Variants in MYH14 observed in about 807,000 individuals in gnomAD.
The protein encoded by MYH14 is myosin-14.
A neutral mutation model predicts 255.5 loss-of-function variants in MYH14; 123 were observed. The ratio of observed to expected loss-of-function variants is 0.48; its 90% CI spans 0.42 to 0.56. The LOEUF (loss-of-function observed/expected upper bound fraction) is 0.56, where lower values mean the gene tolerates loss of function less well. Among genes scored for constraint, MYH14 ranks in the 20% least tolerant of loss-of-function variants. The pLI is 0.00. For missense variants in MYH14, 2,423 were observed against 2,802.3 expected (o/e 0.86, Z 3.06); for synonymous variants, 1,095 against 1,161.2 (o/e 0.94, Z 1.16).
rs1400394076 is a variant in MYH14, at chr19:50,276,326, G to A, written c.3680+123G>A. 1.8e-5 allele frequency: 15 copies of A among 840,634 alleles called. No individual in the cohort carries two copies. Among genetic ancestry groups the A allele is most frequent in the Non-Finnish European group, 2.7e-5 (15 of 559,680 alleles). The allele number at this position is 840,634 out of a possible 1,614,324, so 52.1% of individuals were successfully genotyped here. A position where few individuals can be genotyped will look rare whatever the true frequency, so the allele number is the denominator to read the frequency against. ...ATTGTACAGTTGTTCATGAACCACC[G>A]GCTCTAGGTCCGGCCTGGGTCAAGC... is the stretch of plus-strand genomic sequence containing the variant. On this transcript the variant is annotated intron_variant, in intron 28 of 42. Transcript: ENST00000642316. This position sits in a 1 kb window ranked among gnomAD's most constrained non-coding sequence, Gnocchi z 4.3.
chr19:50,236,135 C>T (rs1277644481), intron 10 of MYH14, among the ~76,000 whole-genome samples: 2 of 151,498 alleles, frequency 1.3e-5, no homozygotes, highest in Non-Finnish European at 2.9e-5. Context: ...AGTTTGAGAC[C>T]AGCCTGGGCA....
chr19:50,257,306 C>T lies in MYH14; in HGVS notation c.2052C>T (p.Gly684=), dbSNP rs2034626370. The change falls in exon 18 of 43, where the codon GGC becomes GGT. Residue 684 remains glycine, a synonymous_variant. Transcript: ENST00000642316. The part of the protein sequence containing the change: ...SSAISPPGVE[G]IVGLEQVSSL... ...TGCATCTCCATCTGACAGTGGAGGGCATCGTGGGGCTGGAACAGGTGAGCA... is the reference window on the plus strand; with the variant it reads ...TGCATCTCCATCTGACAGTGGAGGGTATCGTGGGGCTGGAACAGGTGAGCA... 1 of 1,600,968 alleles carries T rather than the reference C, an allele frequency of 6.2e-7. No homozygotes were observed.
intron 11 of MYH14, among the ~76,000 whole-genome samples, chr19:50,246,740 T>C (rs139942197): frequency 2.0e-5 from 3 of 152,318 alleles, no homozygotes; most frequent in Admixed American, 2.0e-4. Context: ...CCTAGCTTTC[T>C]CCGATTATAA....
chr19:50,239,423 A>G (rs2033801740), intron 10 of MYH14, among the ~76,000 whole-genome samples: 1 of 152,216 alleles, frequency 6.6e-6, no homozygotes. Context: ...ACTTGGGAAG[A>G]TTACAGACTG....
At chr19:50,232,706 G>C (rs2123241733) in intron 10 of MYH14, among the ~76,000 whole-genome samples, 1 of 152,066 alleles carries the variant, frequency 6.6e-6, no homozygotes, top group South Asian at 2.1e-4. Flanking sequence ...CTGAGATGGG[G>C]ATGTTTGAAC....
rs1206166363 is a variant in MYH14, at chr19:50,293,607, G to A, written c.5389G>A (p.Gly1797Arg). Reference protein sequence around the residue: ...EEKRQLEGRLGQLEEELEEEQ... With the variant: ...EEKRQLEGRLRQLEEELEEEQ... Reference sequence around the variant, plus strand: ...GAAGCGTCAGCTGGAGGGGCGCCTGGGGCAGTTGGAGGAAGAGCTGGAGGA... The same window carrying A: ...GAAGCGTCAGCTGGAGGGGCGCCTGAGGCAGTTGGAGGAAGAGCTGGAGGA... The change falls in exon 39 of 43, where the codon GGG becomes AGG. Residue 1797 changes from glycine (G) to arginine (R), a missense_variant. By Grantham distance (125) the Gly-to-Arg change is moderately radical. Around this residue, in one of 3 missense-constraint regions of MYH14, gnomAD observed 1,513 missense variants for 1,674.8 expected, o/e 0.90. Transcript: ENST00000642316. This position sits in a 1 kb window ranked among gnomAD's most constrained non-coding sequence, Gnocchi z 4.1. The A allele has an allele frequency of 1.9e-6, 3 of 1,612,956 alleles. No homozygotes were observed. Among genetic ancestry groups the A allele is most frequent in the Admixed American group, 1.7e-5 (1 of 59,866 alleles).
chr19:50,224,714 A>T, intron 6 of MYH14: 2 of 441,800 alleles, frequency 4.5e-6, no homozygotes, highest in Non-Finnish European at 9.2e-6. Context: ...GCCAAGGAGT[A>T]GCCTGGTGGG....
intron 24 of MYH14, among the ~76,000 whole-genome samples, chr19:50,269,477 C>T (rs1049118274): frequency 2.0e-5 from 3 of 152,178 alleles, no homozygotes; most frequent in African/African-American, 7.2e-5. Context: ...CCACCATGCC[C>T]GGCCCAGTAG....
chr19:50,225,545 A>C (rs1218607138), intron 6 of MYH14, 40 bp from the exon 7 acceptor site: 3 of 1,564,628 alleles, frequency 1.9e-6, no homozygotes, highest in Non-Finnish European at 2.6e-6. Flanking sequence ...CTCCTGCCCC[A>C]TTCTCACTGA....
chr19:50,211,644 A>C lies in MYH14; in HGVS notation c.405+874A>C, dbSNP rs577302346. ...TCAAGGTCACACAATTAGACCTGACAGAGCCAGGTAGTCTGTCTTCTCACT... is the reference window on the plus strand; with the variant it reads ...TCAAGGTCACACAATTAGACCTGACCGAGCCAGGTAGTCTGTCTTCTCACT... On this transcript the variant is annotated intron_variant, in intron 2 of 42. Coordinates refer to ENST00000642316, the MANE Select transcript of MYH14 (RefSeq NM_001145809.2). 5.3e-5 allele frequency among the ~76,000 whole-genome samples: 8 copies of C among 152,250 alleles called. No individual in the cohort carries two copies. In the South Asian group the frequency reaches 1.7e-3, roughly 32 times the overall value.
Position 50,255,337 on chromosome 19 carries a change from C to G in MYH14, c.2044+19C>G, listed in dbSNP as rs567636325. 12 of 1,537,538 alleles carry G rather than the reference C, an allele frequency of 7.8e-6. No individual in the cohort carries two copies. The highest frequency in any genetic ancestry group is 5.5e-5 in the African/African-American group (4 of 72,820). On this transcript the variant is annotated intron_variant, in intron 17 of 42. Transcript: ENST00000642316. ...CCAGGGGGTGGGTGTCTCTGTGCATCGATGGGTGAGGCTTGCTGGAGGAGG... is the reference window on the plus strand; with the variant it reads ...CCAGGGGGTGGGTGTCTCTGTGCATGGATGGGTGAGGCTTGCTGGAGGAGG...
chr19:50,218,738 G>C (rs1479869834), intron 3 of MYH14, among the ~76,000 whole-genome samples: 1 of 151,990 alleles, frequency 6.6e-6, no homozygotes, highest in East Asian at 1.9e-4. Flanking sequence ...CACCCAATGT[G>C]TAATCTATCC....
At position 50,266,003 on chromosome 19, in the gene MYH14, G is replaced by T. The variant is rs564608946; in HGVS notation, c.2695-874G>T. 5.8e-3 allele frequency among the ~76,000 whole-genome samples: 886 copies of T among 152,226 alleles called. 6 individuals are homozygous for T. Among genetic ancestry groups the T allele is most frequent in the Non-Finnish European group, 0.01 (691 of 68,000 alleles). On this transcript the variant is annotated intron_variant, in intron 22 of 42. Coordinates refer to ENST00000642316, the MANE Select transcript of MYH14 (RefSeq NM_001145809.2). The surrounding 1 kb of genome is among the most constrained non-coding windows in gnomAD (Gnocchi z 4.1). Reference sequence around the variant, plus strand: ...TTTGAGAAATGTGAATGATACCTGCGAAAGATGCAAGGAGTCGGGGCAGAA... The same window carrying T: ...TTTGAGAAATGTGAATGATACCTGCTAAAGATGCAAGGAGTCGGGGCAGAA...
chr19:50,251,468 T>TACACATATATATATAC (rs58683800), intron 15 of MYH14, among the ~76,000 whole-genome samples: 1 of 145,740 alleles, frequency 6.9e-6, no homozygotes, highest in Non-Finnish European at 1.5e-5. Flanking sequence ...TATATATATA[T>TACACATATATATATAC]ACACATATAT....
intron 2 of MYH14, among the ~76,000 whole-genome samples, chr19:50,216,005 G>A (rs577849031): frequency 7.2e-5 from 11 of 152,186 alleles, no homozygotes; most frequent in Non-Finnish European, 1.0e-4. Flanking sequence ...CCACTAAGCA[G>A]GTAATTCTCT....
chr19:50,227,397 A>T (rs2033161906), intron 8 of MYH14, among the ~76,000 whole-genome samples: 1 of 152,120 alleles, frequency 6.6e-6, no homozygotes, highest in African/African-American at 2.4e-5. Flanking sequence ...CCGGGGAAGC[A>T]CAGAGAGACT....
At chr19:50,309,415 T>A (rs2036768934) in intron 42 of MYH14, 3 of 613,904 alleles carry the variant, frequency 4.9e-6, no homozygotes, top group Non-Finnish European at 8.7e-6. Context: ...CCACCACCTT[T>A]CTCTCCTTTC....
chr19:50,265,679 G>A (rs148622429), intron 22 of MYH14, among the ~76,000 whole-genome samples: 2,854 of 152,004 alleles, frequency 0.019, 74 homozygotes, highest in African/African-American at 0.064. Context: ...AAATTAGCTG[G>A]ATGTGGTGTC....
At chr19:50,216,639 A>G (rs1423457236) in intron 2 of MYH14, among the ~76,000 whole-genome samples, 3 of 151,732 alleles carry the variant, frequency 2.0e-5, no homozygotes, top group African/African-American at 7.3e-5. Flanking sequence ...AGGCATGGTC[A>G]TGTCAGCAGG....
Sources: gnomAD v4.1 joint callset for allele counts (sites outside exome capture counted in the v4.1 genomes callset) on GRCh38, gnomAD v4.1.1 for gene constraint, gnomAD v4.1.1 regional missense constraint, Gnocchi (gnomAD v3.1) non-coding constraint, MANE v1.5 for transcripts, NCBI Gene and HGNC (gene_info 2026-07-23, HGNC 2026-07-21) for gene names.